The following PDE4B variants were observed in gnomAD, a reference collection of about 807,000 sequenced individuals.
PDE4B encodes the protein 3',5'-cyclic-AMP phosphodiesterase 4B.
PDE4B carries 20 observed loss-of-function variants against 82.2 expected under a neutral mutation model. The observed-to-expected ratio is 0.24, with a 90% CI of 0.17 to 0.35. PDE4B has a LOEUF of 0.35. Among genes scored for constraint, PDE4B ranks in the 10% least tolerant of loss-of-function variants. The pLI is 1.00. For missense variants in PDE4B, 655 were observed against 907.2 expected (o/e 0.72, Z 3.57); for synonymous variants, 320 against 318.9 (o/e 1.00, Z -0.04).
intron 1 of PDE4B, among the ~76,000 whole-genome samples, chr1:65,893,918 C>G (rs2100395342): frequency 6.6e-6 from 1 of 152,170 alleles, no homozygotes; most frequent in East Asian, 1.9e-4. Flanking sequence ...ATCGTATGTT[C>G]TCACTTATAA....
chr1:65,823,656 A>G (rs981403306), intron 1 of PDE4B, among the ~76,000 whole-genome samples: 1 of 152,128 alleles, frequency 6.6e-6, no homozygotes, highest in African/African-American at 2.4e-5. Context: ...CTGACTGATC[A>G]TCTAACTCCC....
intron 3 of PDE4B, among the ~76,000 whole-genome samples, chr1:66,096,508 T>TCATATATATATATATA (rs59931848): frequency 0.011 from 1,128 of 107,180 alleles, 141 homozygotes; most frequent in Non-Finnish European, 0.014. Flanking sequence ...GTAAAAAAAA[T>TCATATATATATATATA]TATATATATA....
chr1:66,362,296 G>A (rs1000893546), intron 10 of PDE4B, among the ~76,000 whole-genome samples: 1 of 152,192 alleles, frequency 6.6e-6, no homozygotes, highest in Non-Finnish European at 1.5e-5. Context: ...AAGAAATAAA[G>A]AGAAACTGAC....
chr1:65,838,934 T>G (rs187516889), intron 1 of PDE4B, among the ~76,000 whole-genome samples: 1 of 152,254 alleles, frequency 6.6e-6, no homozygotes, highest in Admixed American at 6.5e-5. Context: ...AAAAATACCT[T>G]GAAGCTAGTA....
intron 3 of PDE4B, among the ~76,000 whole-genome samples, chr1:65,978,430 CAGAA>C (rs67038944): frequency 0.27 from 41,082 of 151,814 alleles, 5,787 homozygotes; most frequent in East Asian, 0.44. Context: ...CACTGAGAAA[CAGAA>C]AGCCTGAAGG....
chr1:65,970,139 C>A (rs888106243), intron 3 of PDE4B, among the ~76,000 whole-genome samples: 6 of 151,660 alleles, frequency 4.0e-5, no homozygotes, highest in African/African-American at 1.5e-4. Context: ...ACTCATGTAG[C>A]AGGCATTCAA....
At chr1:66,207,775 G>A (rs539955026) in intron 3 of PDE4B, among the ~76,000 whole-genome samples, 6 of 152,250 alleles carry the variant, frequency 3.9e-5, no homozygotes, top group African/African-American at 1.4e-4. Flanking sequence ...ATGAAGCCAG[G>A]CAGAAATTAT....
chr1:66,363,102 T>C, intron 10 of PDE4B, 66 bp from the exon 11 acceptor site: 1 of 1,093,046 alleles, frequency 9.1e-7, no homozygotes, highest in Non-Finnish European at 1.4e-6. Flanking sequence ...AAAAATAAAT[T>C]AAAAAAATGA....
intron 3 of PDE4B, among the ~76,000 whole-genome samples, chr1:66,004,697 A>T (rs1032541104): frequency 6.6e-6 from 1 of 152,062 alleles, no homozygotes; most frequent in Non-Finnish European, 1.5e-5. Flanking sequence ...TGTTTTCCTT[A>T]GTGGGATCTA....
intron 1 of PDE4B, among the ~76,000 whole-genome samples, chr1:65,809,915 G>C (rs949139180): frequency 6.6e-5 from 10 of 152,092 alleles, no homozygotes; most frequent in African/African-American, 2.4e-4. Flanking sequence ...ACTTATTTAT[G>C]AATAGTTTCT....
intron 1 of PDE4B, among the ~76,000 whole-genome samples, chr1:65,869,887 C>T (rs1646554161): frequency 6.7e-6 from 1 of 150,016 alleles, no homozygotes; most frequent in African/African-American, 2.5e-5. Flanking sequence ...TAACTTTTTT[C>T]ATCAACTAAC....
At chr1:66,133,448 G>A (rs552118892) in intron 3 of PDE4B, among the ~76,000 whole-genome samples, 71 of 152,160 alleles carry the variant, frequency 4.7e-4, no homozygotes, top group Middle Eastern at 3.4e-3. Context: ...TTCTGTCTCC[G>A]AGTCCTATTT....
At chr1:65,980,008 A>G (rs1198321449) in intron 3 of PDE4B, among the ~76,000 whole-genome samples, 1 of 152,186 alleles carries the variant, frequency 6.6e-6, no homozygotes, top group Non-Finnish European at 1.5e-5. Flanking sequence ...TGAACAGAAG[A>G]GAACCATAGA....
At chr1:66,181,608 T>G (rs971757420) in intron 3 of PDE4B, among the ~76,000 whole-genome samples, 1 of 152,176 alleles carries the variant, frequency 6.6e-6, no homozygotes, top group Non-Finnish European at 1.5e-5. Context: ...TAGCTTTAGA[T>G]TCTATTGAGT....
At chr1:66,010,388 C>T (rs949591359) in intron 3 of PDE4B, among the ~76,000 whole-genome samples, 1 of 151,660 alleles carries the variant, frequency 6.6e-6, no homozygotes, top group African/African-American at 2.4e-5. Flanking sequence ...GTATACTAAA[C>T]TTAATAGCAA....
chr1:66,130,965 T>A (rs534403751), intron 3 of PDE4B, among the ~76,000 whole-genome samples: 1 of 152,198 alleles, frequency 6.6e-6, no homozygotes, highest in African/African-American at 2.4e-5. Flanking sequence ...CCCAAGCCCA[T>A]GTAGGCAATA....
intron 1 of PDE4B, among the ~76,000 whole-genome samples, chr1:65,877,637 A>C (rs1212373247): frequency 6.6e-6 from 1 of 150,916 alleles, no homozygotes; most frequent in Non-Finnish European, 1.5e-5. Context: ...ATAAATAAAT[A>C]AATAAATAAA....
chr1:66,166,962 A>G (rs1357173626), intron 3 of PDE4B, among the ~76,000 whole-genome samples: 1 of 152,228 alleles, frequency 6.6e-6, no homozygotes, highest in African/African-American at 2.4e-5. Context: ...CTGTCATACC[A>G]TTAGTCATTA....
intron 3 of PDE4B, among the ~76,000 whole-genome samples, chr1:65,996,053 G>T (rs575938371): frequency 6.6e-6 from 1 of 152,082 alleles, no homozygotes; most frequent in Non-Finnish European, 1.5e-5. Context: ...CTGACTCTGG[G>T]CTATTTAAAA....
Sources: allele counts gnomAD v4.1 joint callset (sites outside exome capture counted in the v4.1 genomes callset), GRCh38; gene constraint gnomAD v4.1.1; transcripts MANE v1.5; gene names NCBI Gene and HGNC (gene_info 2026-07-23, HGNC 2026-07-21).